Variants in SETX observed in about 807,000 individuals in gnomAD.
SETX encodes senataxin, also known as helicase senataxin.
In SETX, 90 loss-of-function variants were observed where a neutral mutation model predicts 227.2. The ratio of observed to expected loss-of-function variants is 0.40; its 90% confidence interval spans 0.33 to 0.47. The LOEUF (loss-of-function observed/expected upper bound fraction) is 0.47, where lower values mean the gene tolerates loss of function less well. Ranked by LOEUF, SETX falls within the 20% of genes least tolerant of loss-of-function variation. The pLI, the probability that SETX is intolerant of heterozygous loss-of-function variation, is 0.91. For missense variants in SETX, 3,052 were observed against 3,181.5 expected, an observed-to-expected ratio of 0.96 and a Z score of 0.98; for synonymous variants, 1,210 against 1,113.2, an observed-to-expected ratio of 1.09 and a Z score of -1.73.
At chr9:132,285,562 A>G (rs540875353) in intron 18 of SETX, among the ~76,000 whole-genome samples, 2 of 152,064 alleles carry the variant, frequency 1.3e-5, no homozygotes, top group African/African-American at 2.4e-5. Context: ...CATGGCCAAC[A>G]TGGTGAAACC....
Position 132,283,390 on chromosome 9 carries a change from T to C in SETX, c.6420A>G (p.Thr2140=). ...IKEVQGRPQK[T]QSIIILESHI... ...GGGACTCTAAGATGATGATACTCTG[T>C]GTTTTCTGTGGGCGTCCTTGAACCT... The change falls in exon 19 of 26, where the codon ACA becomes ACG. Residue 2140 remains threonine (T), a synonymous_variant. Transcript: ENST00000224140. 6.2e-7 allele frequency: 1 copy of C among 1,614,226 alleles called. No homozygotes were observed.
chr9:132,346,763 G>A (rs1419731465), intron 3 of SETX, among the ~76,000 whole-genome samples: 1 of 148,274 alleles, frequency 6.7e-6, no homozygotes, highest in East Asian at 1.9e-4. Flanking sequence ...ACCAGCCTGG[G>A]TAGCAAAGCA....
In SETX at chr9:132,328,478, G is replaced by A. The variant is rs1345118016; in HGVS notation, c.3120C>T (p.Cys1040=). ...GCTGCTCTGGATGTTCCCTCTCAAGGCATATTTTGTCCTGTTTAGTGAGTT... is the reference window on the plus strand; with the variant it reads ...GCTGCTCTGGATGTTCCCTCTCAAGACATATTTTGTCCTGTTTAGTGAGTT... ...LEKLTKQDKI[C]LEREHPEQHV... is the part of the protein sequence containing the mutation. The change falls in exon 10 of 26, where the codon TGC becomes TGT. Residue 1040 remains cysteine, a synonymous_variant. Coordinates refer to ENST00000224140, the MANE Select transcript of SETX (RefSeq NM_015046.7). 1 of 1,613,482 alleles carries A rather than the reference G, an allele frequency of 6.2e-7. No individual in the cohort carries two copies. Among genetic ancestry groups the A allele is most frequent in the South Asian group, 1.1e-5 (1 of 91,056 alleles).
At position 132,300,747 on chromosome 9, in the gene SETX, C is replaced by T. The variant is rs947336270; in HGVS notation, c.5431G>A (p.Val1811Met). Reference sequence around the variant, plus strand: ...TTTATTCTCTCAGGAGCTAAAAACACCAAATCGTTTTCCTTTGGATAAAGC... The same window carrying T: ...TTTATTCTCTCAGGAGCTAAAAACATCAAATCGTTTTCCTTTGGATAAAGC... ...KQLYPKENDL[V>M]FLAPERINEE... The change falls in exon 12 of 26, where the codon GTG (valine) becomes ATG (methionine). Residue 1811 changes from valine (V) to methionine (M), a missense_variant. Physicochemically the swap from Val to Met is conservative, Grantham distance 21. Coordinates refer to ENST00000224140, the MANE Select transcript of SETX (RefSeq NM_015046.7). 1.2e-6 allele frequency: 2 copies of T among 1,613,464 alleles called. No homozygotes were observed. The highest frequency in any genetic ancestry group is 1.7e-6 in the Non-Finnish European group (2 of 1,179,876).
At chr9:132,287,763 G>A (rs1459394384) in intron 17 of SETX, among the ~76,000 whole-genome samples, 2 of 122,454 alleles carry the variant, frequency 1.6e-5, no homozygotes, top group Admixed American at 7.5e-5. Context: ...AAAACCAAAA[G>A]GACAAAAAAA....
At chr9:132,331,177 A>AG (rs763757921) in intron 8 of SETX, 38 bp from the exon 9 acceptor site, 21 of 1,607,616 alleles carry the variant, frequency 1.3e-5, no homozygotes, top group East Asian at 2.2e-5. Flanking sequence ...ACTGAAACGA[A>AG]GGGGGAAAAA....
intron 25 of SETX, 173 bp downstream of exon 25, chr9:132,269,442 A>C: frequency 6.3e-7 from 1 of 1,581,884 alleles, no homozygotes; most frequent in Non-Finnish European, 8.6e-7. Flanking sequence ...CTGGGCTGAA[A>C]AAAGGCGAAT....
rs753786500 is a variant in SETX, at chr9:132,286,394, C to T, written c.6396+29G>A. 4.7e-6 allele frequency: 7 copies of T among 1,480,026 alleles called. No individual in the cohort carries two copies. The African/African-American group carries it at 7.1e-5, about 15-fold the overall frequency. The allele number at this position is 1,480,026 out of a possible 1,614,324, so 91.7% of individuals were successfully genotyped here. A position where few individuals can be genotyped will look rare whatever the true frequency, so the allele number is the denominator to read the frequency against. On this transcript the variant is annotated intron_variant, in intron 18 of 25. Transcript: ENST00000224140. Reference sequence around the variant, plus strand: ...ATTTTAAAAAGAAAAAAAAAAAAATCAAGAAAATGCTACAGGTGAACTACT... The same window carrying T: ...ATTTTAAAAAGAAAAAAAAAAAAATTAAGAAAATGCTACAGGTGAACTACT...
In SETX at chr9:132,282,106, A is replaced by G. The variant is rs193233400; in HGVS notation, c.6547-532T>C. ...AAACTCTCCAAACATGTCTAAAAAAAAAATCAAACTTGTATTTTTGAAGTC... is the reference window on the plus strand; with the variant it reads ...AAACTCTCCAAACATGTCTAAAAAAGAAATCAAACTTGTATTTTTGAAGTC... On this transcript the variant is annotated intron_variant, in intron 19 of 25. Transcript: ENST00000224140. Among the ~76,000 whole-genome samples the G allele has an allele frequency of 7.2e-4, 110 of 151,884 alleles. 1 individual carries two copies. Among genetic ancestry groups the G allele is most frequent in the Middle Eastern group, 3.4e-3 (1 of 294 alleles).
At chr9:132,355,757 C>T (rs12350579), upstream of SETX, among the ~76,000 whole-genome samples, 2 of 152,094 alleles carry the variant, frequency 1.3e-5, no homozygotes, top group Admixed American at 6.5e-5. Context: ...GAGGCCGAGG[C>T]GGGTGGATCA....
chr9:132,283,671 T>G (rs923247068), intron 18 of SETX, among the ~76,000 whole-genome samples: 1 of 152,250 alleles, frequency 6.6e-6, no homozygotes, highest in Non-Finnish European at 1.5e-5. Context: ...ATCCAGGGTT[T>G]GATTTGGTCA....
In SETX at chr9:132,329,021, T is replaced by C. The variant is rs1363723169; in HGVS notation, c.2577A>G (p.Gln859=). 5 of 1,607,006 alleles carry C rather than the reference T, an allele frequency of 3.1e-6. No homozygotes were observed. In the African/African-American group the frequency reaches 4.0e-5, roughly 13 times the overall value. Residue 859 remains glutamine (Q), a synonymous_variant, in exon 10 of 26, where the codon CAA becomes CAG. Transcript: ENST00000224140. ...LDDKNGEQKS[Q]NNVLPKEKQL... ...GTTTCTCTTTTGGCAATACATTGTT[T>C]TGAGATTTTTGTTCTCCATTCTTAT...
In SETX at chr9:132,262,940, T is replaced by C. The variant is rs142939696; in HGVS notation, c.*1299A>G. ...GTTTAGGATACTCCAGTTCACTGCG[T>C]GGATATTTGGAAAACTGGACAAAAT... On this transcript the variant is annotated 3_prime_UTR_variant, in exon 26 of 26. Transcript: ENST00000224140. The C allele has an allele frequency of 3.2e-4, 49 of 152,318 alleles. No individual in the cohort carries two copies. Among genetic ancestry groups the C allele is most frequent in the African/African-American group, 1.2e-3 (48 of 41,562 alleles). The allele number at this position is 152,318 out of a possible 1,614,324, so 9.4% of individuals were successfully genotyped here. A position where few individuals can be genotyped will look rare whatever the true frequency, so the allele number is the denominator to read the frequency against.
At position 132,303,061 on chromosome 9, in the gene SETX, A is replaced by T. The variant is rs112245617; in HGVS notation, c.5375-2258T>A. 1.5e-3 allele frequency among the ~76,000 whole-genome samples: 230 copies of T among 152,240 alleles called. 1 individual carries two copies. The highest frequency in any genetic ancestry group is 5.2e-3 in the African/African-American group (218 of 41,548). ...GAGATTGGGTCTTGTTCTATCTCCC[A>T]GACTGGAATGCAGTGGTATGATCAC... is the stretch of plus-strand genomic sequence containing the variant. On this transcript the variant is annotated intron_variant, in intron 11 of 25. Transcript: ENST00000224140.
At chr9:132,343,798 G>A (rs112061679) in intron 4 of SETX, among the ~76,000 whole-genome samples, 18 of 152,274 alleles carry the variant, frequency 1.2e-4, no homozygotes, top group African/African-American at 4.1e-4. Flanking sequence ...TTTACGGATA[G>A]ATTATTCTTT....
rs1475249928 is a variant in SETX at position 132,326,925 on chromosome 9, G to C, written c.4673C>G (p.Thr1558Arg). ...KCKYKDCLETTKNQGEYCPKH... is the reference protein window; with the variant it reads ...KCKYKDCLETRKNQGEYCPKH... ...TGGGCAGTATTCACCCTGGTTTTTT[G>C]TGGTTTCAAGACAATCTTTGTACTT... The change falls in exon 10 of 26, where the codon ACA (threonine) becomes AGA (arginine). Residue 1558 changes from threonine to arginine, a missense_variant. Coordinates refer to ENST00000224140, the MANE Select transcript of SETX (RefSeq NM_015046.7). The C allele has an allele frequency of 1.2e-6, 2 of 1,614,010 alleles. No homozygotes were observed. The highest frequency in any genetic ancestry group is 1.7e-6 in the Non-Finnish European group (2 of 1,180,028).
chr9:132,276,452 A>G (rs768849578), intron 22 of SETX, among the ~76,000 whole-genome samples: 1 of 152,160 alleles, frequency 6.6e-6, no homozygotes, highest in Non-Finnish European at 1.5e-5. Context: ...CCATCCCATG[A>G]TGTAGAAGTG....
At chr9:132,301,567 T>C (rs1317672517) in intron 11 of SETX, among the ~76,000 whole-genome samples, 2 of 152,214 alleles carry the variant, frequency 1.3e-5, no homozygotes, top group Non-Finnish European at 2.9e-5. Context: ...ATCTTTTCTA[T>C]GTTTAGATAC....
intron 11 of SETX, among the ~76,000 whole-genome samples, chr9:132,302,154 G>C (rs867824376): frequency 6.6e-6 from 1 of 150,930 alleles, no homozygotes; most frequent in African/African-American, 2.4e-5. Flanking sequence ...TCAGGAGATC[G>C]AGAACATCCT....
Sources: allele counts gnomAD v4.1 joint callset (sites outside exome capture counted in the v4.1 genomes callset), GRCh38; gene constraint gnomAD v4.1.1; transcripts MANE v1.5; gene names NCBI Gene and HGNC (gene_info 2026-07-23, HGNC 2026-07-21).